The following ARB2A variants were observed in gnomAD, a reference collection of about 807,000 sequenced individuals.
ARB2A encodes ARB2 cotranscriptional regulator A, also known as cotranscriptional regulator ARB2A.
the ARB2A span, among the ~76,000 whole-genome samples, chr5:94,094,963 A>G: frequency 1.2e-4 from 18 of 152,320 alleles, no homozygotes; most frequent in Admixed American, 3.3e-4. Flanking sequence ...TGGAACTGCC[A>G]TTGTCCTCTC....
the ARB2A span, among the ~76,000 whole-genome samples, chr5:94,092,993 A>G: frequency 6.6e-6 from 1 of 152,170 alleles, no homozygotes; most frequent in African/African-American, 2.4e-5. Context: ...ATATAGGGGG[A>G]AAACCTGTAT....
At chr5:94,062,493 C>T in the ARB2A span, among the ~76,000 whole-genome samples, 2 of 152,228 alleles carry the variant, frequency 1.3e-5, no homozygotes, top group East Asian at 3.9e-4. Flanking sequence ...TGGAGAGGCT[C>T]CCCAGTGTGG....
At chr5:93,833,776 T>C in the ARB2A span, among the ~76,000 whole-genome samples, 286 of 152,330 alleles carry the variant, frequency 1.9e-3, 2 homozygotes, top group African/African-American at 5.9e-3. Context: ...ACTGATGTCT[T>C]CTTAGGGTGA....
the ARB2A span, among the ~76,000 whole-genome samples, chr5:93,856,339 A>T: frequency 6.6e-6 from 1 of 152,226 alleles, no homozygotes; most frequent in East Asian, 1.9e-4. Flanking sequence ...GCCTTGCTAG[A>T]TTGGGGAAGT....
At chr5:93,836,055 T>C in the ARB2A span, among the ~76,000 whole-genome samples, 2 of 151,950 alleles carry the variant, frequency 1.3e-5, no homozygotes, top group Non-Finnish European at 2.9e-5. Context: ...TTTGACGGAG[T>C]CTCGCTCTGT....
At chr5:93,880,185 A>T in the ARB2A span, among the ~76,000 whole-genome samples, 1 of 151,814 alleles carries the variant, frequency 6.6e-6, no homozygotes, top group Non-Finnish European at 1.5e-5. Context: ...AATCTGCTTG[A>T]TTCACTATAT....
chr5:93,840,639 CCTAACA>C, the ARB2A span, among the ~76,000 whole-genome samples: 3 of 152,134 alleles, frequency 2.0e-5, no homozygotes, highest in East Asian at 5.8e-4. Context: ...TTCTTACTAC[CCTAACA>C]CTAACACCAT....
At chr5:93,667,184 T>G in the ARB2A span, among the ~76,000 whole-genome samples, 2 of 152,190 alleles carry the variant, frequency 1.3e-5, no homozygotes, top group Non-Finnish European at 2.9e-5. Flanking sequence ...TTCTTAACCT[T>G]CCAATTGCTT....
At chr5:93,654,693 T>C in the ARB2A span, among the ~76,000 whole-genome samples, 1 of 152,206 alleles carries the variant, frequency 6.6e-6, no homozygotes, top group African/African-American at 2.4e-5. Context: ...TTCCTCCTTA[T>C]CAAATCCCTC....
At chr5:93,986,410 C>A in the ARB2A span, among the ~76,000 whole-genome samples, 1 of 150,962 alleles carries the variant, frequency 6.6e-6, no homozygotes. Context: ...AGGTGGGGGG[C>A]GCCTCTGCCC....
the ARB2A span, among the ~76,000 whole-genome samples, chr5:93,977,770 C>A: frequency 6.6e-6 from 1 of 151,956 alleles, no homozygotes; most frequent in Non-Finnish European, 1.5e-5. Flanking sequence ...ACAACTGGGA[C>A]CTAATTAAAC....
chr5:94,070,469 G>C, the ARB2A span, among the ~76,000 whole-genome samples: 1 of 152,018 alleles, frequency 6.6e-6, no homozygotes, highest in African/African-American at 2.4e-5. Context: ...TATATTTCAA[G>C]ATAGCTAGAA....
the ARB2A span, among the ~76,000 whole-genome samples, chr5:94,073,271 C>T: frequency 3.3e-5 from 5 of 152,196 alleles, no homozygotes; most frequent in East Asian, 9.7e-4. Context: ...CCAGTTTACT[C>T]CTCCCTTAAC....
chr5:94,058,446 A>T, the ARB2A span, among the ~76,000 whole-genome samples: 1 of 152,162 alleles, frequency 6.6e-6, no homozygotes, highest in Admixed American at 6.5e-5. Context: ...AATTAGAAGG[A>T]AAAAACATCT....
At chr5:93,982,496 G>C in the ARB2A span, among the ~76,000 whole-genome samples, 1 of 152,152 alleles carries the variant, frequency 6.6e-6, no homozygotes, top group Non-Finnish European at 1.5e-5. Flanking sequence ...TCTTGGGGTG[G>C]GGCAGGTGTG....
chr5:93,854,720 G>C, the ARB2A span, among the ~76,000 whole-genome samples: 1 of 152,250 alleles, frequency 6.6e-6, no homozygotes, highest in Non-Finnish European at 1.5e-5. Flanking sequence ...TATGTACCCA[G>C]TAGTCATTCA....
chr5:94,078,146 A>G, the ARB2A span, among the ~76,000 whole-genome samples: 3 of 152,204 alleles, frequency 2.0e-5, no homozygotes. Flanking sequence ...CGAACTAGAT[A>G]TACGTGATTT....
At chr5:93,937,953 T>A in the ARB2A span, among the ~76,000 whole-genome samples, 2,535 of 151,930 alleles carry the variant, frequency 0.017, 63 homozygotes, top group African/African-American at 0.053. Flanking sequence ...TTTAAAAAAA[T>A]TTTTTTTTGA....
the ARB2A span, among the ~76,000 whole-genome samples, chr5:94,051,497 T>C: frequency 6.6e-6 from 1 of 152,136 alleles, no homozygotes; most frequent in Non-Finnish European, 1.5e-5. Flanking sequence ...ACTAATAATT[T>C]CAAGGGCACA....
Sources: gnomAD v4.1 joint callset for allele counts (sites outside exome capture counted in the v4.1 genomes callset) on GRCh38, gnomAD v4.1.1 for gene constraint, MANE v1.5 for transcripts, NCBI Gene and HGNC (gene_info 2026-07-23, HGNC 2026-07-21) for gene names.